The following NAV3 variants were observed in gnomAD, a reference collection of about 807,000 sequenced individuals.
The protein encoded by NAV3 is pore membrane and/or filament interacting like protein 1.
In NAV3, 87 loss-of-function variants were observed where a neutral mutation model predicts 244.7. The observed-to-expected ratio is 0.36, with a 90% CI of 0.30 to 0.42. The LOEUF (loss-of-function observed/expected upper bound fraction) is 0.42, where lower values mean the gene tolerates loss of function less well. Ranked by LOEUF, NAV3 falls within the 20% of genes least tolerant of loss-of-function variation. The pLI is 1.00. For synonymous variants in NAV3, 1,126 were observed against 1,042.2 expected (o/e 1.08, Z -1.55); for missense variants, 2,663 against 2,893.3 (o/e 0.92, Z 1.83).
intron 2 of NAV3, among the ~76,000 whole-genome samples, chr12:77,744,736 T>TTAAAAC (rs1333508501): frequency 6.6e-6 from 1 of 152,000 alleles, no homozygotes; most frequent in Non-Finnish European, 1.5e-5. Context: ...GATAGGTTCT[T>TTAAAAC]TGCCATAGTC....
intron 2 of NAV3, among the ~76,000 whole-genome samples, chr12:77,745,504 C>T (rs1458737327): frequency 6.6e-6 from 1 of 151,926 alleles, no homozygotes. Context: ...ATGAAGATAA[C>T]CAGATATTCA....
intron 1 of NAV3, among the ~76,000 whole-genome samples, chr12:77,878,530 G>A (rs376148342): frequency 3.3e-4 from 50 of 152,112 alleles, no homozygotes; most frequent in Admixed American, 2.9e-3. Flanking sequence ...CACCCAGCCA[G>A]TAATGTATTA....
At chr12:77,658,148 G>A (rs1314214636) in intron 2 of NAV3, among the ~76,000 whole-genome samples, 2 of 152,080 alleles carry the variant, frequency 1.3e-5, no homozygotes, top group Non-Finnish European at 2.9e-5. Context: ...TATTCAATTA[G>A]GAAAAGAGGA....
chr12:77,987,119 C>T (rs1024637707), intron 5 of NAV3, among the ~76,000 whole-genome samples: 2 of 152,040 alleles, frequency 1.3e-5, no homozygotes, highest in Non-Finnish European at 2.9e-5. Flanking sequence ...ATTTCTCTGT[C>T]AAATGGTATA....
chr12:77,817,617 A>C (rs1410540076), intron 2 of NAV3, among the ~76,000 whole-genome samples: 1 of 152,086 alleles, frequency 6.6e-6, no homozygotes, highest in Non-Finnish European at 1.5e-5. Context: ...TCTTTTCAGA[A>C]GCTCTTAACA....
intron 12 of NAV3, among the ~76,000 whole-genome samples, chr12:78,100,563 T>A (rs1338478126): frequency 2.6e-5 from 4 of 152,176 alleles, no homozygotes; most frequent in African/African-American, 9.6e-5. Context: ...TTCATTAAGT[T>A]CCCTACTTGC....
intron 2 of NAV3, among the ~76,000 whole-genome samples, chr12:77,638,372 G>C (rs1872249072): frequency 6.6e-6 from 1 of 152,130 alleles, no homozygotes; most frequent in Non-Finnish European, 1.5e-5. Flanking sequence ...TTTTGTTGAA[G>C]ACTAGAAATT....
chr12:77,649,413 A>G (rs923429328), intron 2 of NAV3, among the ~76,000 whole-genome samples: 4 of 152,114 alleles, frequency 2.6e-5, no homozygotes, highest in Admixed American at 1.3e-4. Context: ...TTTTTATTCC[A>G]TTCGTTCCAT....
chr12:78,049,734 A>AT (rs145667176), intron 9 of NAV3, among the ~76,000 whole-genome samples: 8,850 of 151,768 alleles, frequency 0.058, 731 homozygotes, highest in African/African-American at 0.19. Context: ...TTTCCAAGTG[A>AT]TTTTTTTTTA....
intron 12 of NAV3, among the ~76,000 whole-genome samples, chr12:78,111,386 C>G (rs1325270539): frequency 6.6e-6 from 1 of 151,878 alleles, no homozygotes; most frequent in African/African-American, 2.4e-5. Context: ...TCACTAAAAT[C>G]CAAAAAATTA....
At chr12:77,629,997 A>G (rs698153) in intron 2 of NAV3, among the ~76,000 whole-genome samples, 5,135 of 152,296 alleles carry the variant, frequency 0.034, 120 homozygotes, top group Middle Eastern at 0.054. Context: ...TGTTGGGGTC[A>G]ATGAATGGCA....
intron 22 of NAV3, among the ~76,000 whole-genome samples, chr12:78,154,756 C>T (rs1957234553): frequency 6.6e-6 from 1 of 151,862 alleles, no homozygotes; most frequent in Non-Finnish European, 1.5e-5. Flanking sequence ...ATTAACAACC[C>T]CCCTGAAAAT....
chr12:77,933,521 T>C (rs1889029687), intron 1 of NAV3, among the ~76,000 whole-genome samples: 1 of 152,240 alleles, frequency 6.6e-6, no homozygotes, highest in African/African-American at 2.4e-5. Context: ...ATATTCACTT[T>C]TAAATCAAAC....
At chr12:77,961,775 A>G (rs963285089) in intron 3 of NAV3, among the ~76,000 whole-genome samples, 3 of 150,014 alleles carry the variant, frequency 2.0e-5, no homozygotes, top group Non-Finnish European at 4.4e-5. Flanking sequence ...CAAAATAAAA[A>G]CCATCATGAA....
chr12:78,078,511 T>A (rs868307094), intron 12 of NAV3, among the ~76,000 whole-genome samples: 40 of 145,844 alleles, frequency 2.7e-4, no homozygotes, highest in South Asian at 6.8e-4. Flanking sequence ...TTCTCCTGCC[T>A]CAGCCTCCCA....
chr12:78,009,814 G>C lies in NAV3; in HGVS notation c.1907+2369G>C, dbSNP rs570701688. On this transcript the variant is annotated intron_variant, in intron 8 of 39. Coordinates refer to ENST00000397909, the MANE Select transcript of NAV3 (RefSeq NM_001024383.2). Reference sequence around the variant, plus strand: ...TCGATTGATTGTATGAAAGATTAAAGAAAATAATCCCATGTAAAATTTTTA... The same window carrying C: ...TCGATTGATTGTATGAAAGATTAAACAAAATAATCCCATGTAAAATTTTTA... Among the ~76,000 whole-genome samples the C allele has an allele frequency of 4.0e-4, 61 of 152,228 alleles. 1 individual carries two copies. In the South Asian group the frequency reaches 0.01, roughly 25 times the overall value.
intron 7 of NAV3, among the ~76,000 whole-genome samples, chr12:78,000,790 A>T (rs1873144608): frequency 1.3e-5 from 2 of 150,818 alleles, no homozygotes; most frequent in Non-Finnish European, 3.0e-5. Context: ...GGCGTGAGCC[A>T]CCGCGCCCGG....
intron 11 of NAV3, among the ~76,000 whole-genome samples, chr12:78,055,301 TA>T (rs1247205848): frequency 2.0e-5 from 3 of 151,922 alleles, no homozygotes; most frequent in African/African-American, 7.3e-5. Flanking sequence ...GAAGTATTCT[TA>T]AACAGATAGT....
chr12:77,774,325 G>T (rs960665994), intron 2 of NAV3, among the ~76,000 whole-genome samples: 3 of 152,050 alleles, frequency 2.0e-5, no homozygotes, highest in Admixed American at 2.0e-4. Context: ...GCAGTAGGAT[G>T]GACTATTTTA....
Sources: allele counts gnomAD v4.1 joint callset (sites outside exome capture counted in the v4.1 genomes callset), GRCh38; gene constraint gnomAD v4.1.1; transcripts MANE v1.5; gene names NCBI Gene and HGNC (gene_info 2026-07-23, HGNC 2026-07-21).